The following TRIM37 variants were observed in gnomAD, a reference collection of about 807,000 sequenced individuals.
The protein encoded by TRIM37 is E3 ubiquitin-protein ligase TRIM37.
In TRIM37, 80 loss-of-function variants were observed where a neutral mutation model predicts 129.8. The ratio of observed to expected loss-of-function variants is 0.62; its 90% CI spans 0.51 to 0.74. The LOEUF is 0.74. Among genes scored for constraint, TRIM37 ranks in the 30% least tolerant of loss-of-function variants. TRIM37 has a pLI of 0.00. For synonymous variants in TRIM37, 389 were observed against 387.1 expected, an observed-to-expected ratio of 1.00 and a Z score of -0.06; for missense variants, 1,054 against 1,176.5, an observed-to-expected ratio of 0.90 and a Z score of 1.52.
chr17:59,014,431 C>A (rs1256037091), intron 21 of TRIM37, among the ~76,000 whole-genome samples: 1 of 152,158 alleles, frequency 6.6e-6, no homozygotes, highest in East Asian at 1.9e-4. Context: ...TCCATAATCA[C>A]TCTATCTTTT....
chr17:58,989,817 A>T (rs552839739), intron 24 of TRIM37, among the ~76,000 whole-genome samples: 1 of 152,308 alleles, frequency 6.6e-6, no homozygotes, highest in African/African-American at 2.4e-5. Flanking sequence ...CAGAAGAAAT[A>T]TTCGAAGAGA....
rs759348667 is a variant in TRIM37, at chr17:59,028,712, G to A, written c.1960C>T (p.Arg654Ter). The change falls in exon 19 of 24, where the codon CGA (arginine) becomes TGA (stop). Residue 654 changes from arginine to a stop codon, truncating the protein, a stop_gained. Coordinates refer to ENST00000262294, the MANE Select transcript of TRIM37 (RefSeq NM_015294.6). LOFTEE classifies it high-confidence loss of function. ...SLLQPTASYSRKDKDQRKQQA... is the reference protein window; with the variant it reads ...SLLQPTASYS ...TGCTTCCTTTGGTCTTTATCTTTTC[G>A]AGAATATGATGCTTCAGAGAAATTG... The A allele has an allele frequency of 2.1e-5, 34 of 1,613,848 alleles. No individual in the cohort carries two copies. Among genetic ancestry groups the A allele is most frequent in the Non-Finnish European group, 2.8e-5 (33 of 1,180,010 alleles).
intron 13 of TRIM37, among the ~76,000 whole-genome samples, chr17:59,056,541 A>AAAACAGTG (rs2040888665): frequency 6.6e-6 from 1 of 151,708 alleles, no homozygotes; most frequent in Admixed American, 6.6e-5. Flanking sequence ...CATCCTGGCT[A>AAAACAGTG]AAACAGTGAA....
chr17:59,042,013 T>C, intron 16 of TRIM37, 115 bp from the exon 17 acceptor site: 3 of 729,168 alleles, frequency 4.1e-6, no homozygotes, highest in South Asian at 1.6e-5. Flanking sequence ...TATTTCTAAA[T>C]ACAAAAAGGA....
intron 9 of TRIM37, 113 bp downstream of exon 9, chr17:59,070,710 T>C: frequency 8.2e-7 from 1 of 1,226,500 alleles, no homozygotes; most frequent in Non-Finnish European, 1.1e-6. Flanking sequence ...ACCCTATCTA[T>C]AAAAGAAAAG....
chr17:59,017,343 G>C lies in TRIM37; in HGVS notation c.2339C>G (p.Pro780Arg). The C allele has an allele frequency of 6.2e-7, 1 of 1,614,118 alleles. No individual in the cohort carries two copies. Among genetic ancestry groups the C allele is most frequent in the Non-Finnish European group, 8.5e-7 (1 of 1,180,024 alleles). Residue 780 changes from proline to arginine, a missense_variant, in exon 20 of 24, where the codon CCT becomes CGT. Pro to Arg is a moderately radical substitution (Grantham distance 103). Coordinates refer to ENST00000262294, the MANE Select transcript of TRIM37 (RefSeq NM_015294.6). ...GSLSLRRAVD[P>R]GENSRSKGDC... ...TCCCTTTGAACGACTATTTTCTCCA[G>C]GGTCCACTGCTCTTCGAAGTGATAG...
At chr17:59,041,234 G>C (rs1358192089) in intron 17 of TRIM37, among the ~76,000 whole-genome samples, 1 of 152,182 alleles carries the variant, frequency 6.6e-6, no homozygotes, top group East Asian at 1.9e-4. Context: ...CAGTGTTTTA[G>C]TTTGGGAGAA....
chr17:59,089,635 A>G (rs886467261), intron 3 of TRIM37, among the ~76,000 whole-genome samples: 2 of 152,140 alleles, frequency 1.3e-5, no homozygotes, highest in East Asian at 3.9e-4. Flanking sequence ...GTGAGACTCC[A>G]TCTCAAAAAT....
chr17:59,010,212 TC>T (rs990240944), intron 22 of TRIM37, among the ~76,000 whole-genome samples: 8 of 152,204 alleles, frequency 5.3e-5, no homozygotes, highest in Non-Finnish European at 1.0e-4. Context: ...TGATTTTGCC[TC>T]CCAGGAAACA....
At chr17:58,978,754 T>C (rs1276916938), downstream of TRIM37, among the ~76,000 whole-genome samples, 1 of 152,188 alleles carries the variant, frequency 6.6e-6, no homozygotes, top group African/African-American at 2.4e-5. Context: ...CATAAGCTAT[T>C]TGGTTACCTC....
At chr17:59,101,128 A>G (rs2045429617) in intron 2 of TRIM37, among the ~76,000 whole-genome samples, 1 of 152,156 alleles carries the variant, frequency 6.6e-6, no homozygotes, top group Admixed American at 6.5e-5. Context: ...TGGCTTGAAA[A>G]CAAGTAGGCA....
Position 59,015,787 on chromosome 17 carries a change from C to G in TRIM37, c.2399G>C (p.Ser800Thr). 6.2e-7 allele frequency: 1 copy of G among 1,613,104 alleles called. No individual in the cohort carries two copies. Among genetic ancestry groups the G allele is most frequent in the Non-Finnish European group, 8.5e-7 (1 of 1,179,932 alleles). Residue 800 changes from serine to threonine, a missense_variant, in exon 21 of 24, where the codon AGC becomes ACC. By Grantham distance (58) the Ser-to-Thr change is moderately conservative. Coordinates refer to ENST00000262294, the MANE Select transcript of TRIM37 (RefSeq NM_015294.6). ...CQTLSEGSPGSSQSGSRHSSP... is the reference protein window; with the variant it reads ...CQTLSEGSPGTSQSGSRHSSP... ...ACTGTGCCTGCTCCCAGACTGAGAGCTTCCTGGGGAGCCTTCAAAAAAAGG... is the reference window on the plus strand; with the variant it reads ...ACTGTGCCTGCTCCCAGACTGAGAGGTTCCTGGGGAGCCTTCAAAAAAAGG...
chr17:58,968,295 C>G, the TRIM37 span, among the ~76,000 whole-genome samples: 1 of 152,108 alleles, frequency 6.6e-6, no homozygotes, highest in South Asian at 2.1e-4. Flanking sequence ...TGCAGTGGCT[C>G]TTGCCTGTAA....
intron 2 of TRIM37, among the ~76,000 whole-genome samples, chr17:59,094,845 G>C (rs1408646570): frequency 4.6e-5 from 7 of 152,180 alleles, no homozygotes; most frequent in Admixed American, 4.6e-4. Context: ...AATGAAGGTA[G>C]TTAGATACTG....
chr17:59,063,213 CTT>C (rs2041647157), intron 10 of TRIM37, among the ~76,000 whole-genome samples: 1 of 150,506 alleles, frequency 6.6e-6, no homozygotes, highest in Non-Finnish European at 1.5e-5. Flanking sequence ...GAGTTTTACT[CTT>C]GTTGCCCAGG....
chr17:59,075,603 A>T, intron 8 of TRIM37, 44 bp downstream of exon 8: 1 of 1,348,410 alleles, frequency 7.4e-7, no homozygotes, highest in Non-Finnish European at 1.1e-6. Context: ...GTATACAGAG[A>T]AAAAAGGATA....
chr17:59,020,163 G>C (rs547958909), intron 19 of TRIM37, among the ~76,000 whole-genome samples: 1 of 141,886 alleles, frequency 7.0e-6, no homozygotes, highest in Non-Finnish European at 1.5e-5. Flanking sequence ...CCCAAGAGAC[G>C]GAGGTTGCAG....
chr17:59,026,891 A>G (rs570821462), intron 19 of TRIM37, among the ~76,000 whole-genome samples: 7 of 152,264 alleles, frequency 4.6e-5, no homozygotes, highest in Non-Finnish European at 1.0e-4. Flanking sequence ...ATTATTTTTG[A>G]TTTTTGAGAT....
intron 19 of TRIM37, among the ~76,000 whole-genome samples, chr17:59,023,547 C>T (rs1568002640): frequency 6.6e-6 from 1 of 151,690 alleles, no homozygotes; most frequent in Admixed American, 6.6e-5. Flanking sequence ...CCCAGCTACT[C>T]GGGAGGCTGA....
Sources: allele counts gnomAD v4.1 joint callset (sites outside exome capture counted in the v4.1 genomes callset), GRCh38; gene constraint gnomAD v4.1.1; transcripts MANE v1.5; gene names NCBI Gene and HGNC (gene_info 2026-07-23, HGNC 2026-07-21).